CACNA2D2: variants seen among roughly 807,000 people sequenced by gnomAD.
CACNA2D2 encodes the protein voltage-dependent calcium channel subunit alpha-2/delta-2.
Under a neutral mutation model 166.4 loss-of-function variants are expected in CACNA2D2, and 48 were observed. That is an observed-to-expected ratio of 0.29 (90% confidence interval 0.23 to 0.37). CACNA2D2 has a LOEUF of 0.37. Among genes scored for constraint, CACNA2D2 ranks in the 10% least tolerant of loss-of-function variants. The probability of loss-of-function intolerance (pLI) is 1.00; values close to 1 mark genes in which losing one functional copy is unlikely to be tolerated. For synonymous variants in CACNA2D2, 561 were observed against 573.7 expected (o/e 0.98, Z 0.32); for missense variants, 1,122 against 1,433.0 (o/e 0.78, Z 3.50).
Position 50,362,849 on chromosome 3 carries a change from C to A in CACNA2D2, c.*1817G>T, listed in dbSNP as rs1055070172. The A allele has an allele frequency of 5.1e-5, 17 of 333,778 alleles. No homozygotes were observed. The highest frequency in any genetic ancestry group is 3.4e-4 in the Admixed American group (7 of 20,736). 20.7% of individuals were successfully genotyped at this position (333,778 alleles called of 1,614,324 possible). On this transcript the variant is annotated 3_prime_UTR_variant, in exon 38 of 38. Coordinates refer to ENST00000424201, the MANE Select transcript of CACNA2D2 (RefSeq NM_006030.4). Reference sequence around the variant, plus strand: ...TTAATAACTGATCTTCTGTAATAAACCATTTGAAAATATTTTACAAGGAAT... The same window carrying A: ...TTAATAACTGATCTTCTGTAATAAAACATTTGAAAATATTTTACAAGGAAT...
At chr3:50,437,845 G>A (rs993686767) in intron 2 of CACNA2D2, among the ~76,000 whole-genome samples, 5 of 152,166 alleles carry the variant, frequency 3.3e-5, no homozygotes, top group Admixed American at 6.5e-5. Context: ...AGGGTGCACC[G>A]GATGCAGAGC....
At chr3:50,384,852 G>A (rs770464785) in intron 5 of CACNA2D2, among the ~76,000 whole-genome samples, 1 of 152,224 alleles carries the variant, frequency 6.6e-6, no homozygotes, top group Admixed American at 6.5e-5. Flanking sequence ...ATCTAAGGCA[G>A]GGCACTATCC....
chr3:50,433,225 G>A (rs1296606200), intron 3 of CACNA2D2, among the ~76,000 whole-genome samples: 1 of 152,140 alleles, frequency 6.6e-6, no homozygotes, highest in Non-Finnish European at 1.5e-5. Context: ...TGCCTATTCT[G>A]GACATTTCAT....
intron 6 of CACNA2D2, among the ~76,000 whole-genome samples, chr3:50,381,832 G>C (rs1417316612): frequency 6.6e-6 from 1 of 152,018 alleles, no homozygotes; most frequent in African/African-American, 2.4e-5. Context: ...GGGCACAAGG[G>C]CACACACGTT....
chr3:50,393,980 GGCTTCT>G, intron 4 of CACNA2D2, 123 bp downstream of exon 4: 1 of 758,712 alleles, frequency 1.3e-6, no homozygotes, highest in Non-Finnish European at 2.2e-6. Context: ...GTTGGACACC[GGCTTCT>G]GGCTCTACTC....
At chr3:50,386,030 T>C (rs1452226948) in intron 5 of CACNA2D2, among the ~76,000 whole-genome samples, 1 of 152,032 alleles carries the variant, frequency 6.6e-6, no homozygotes, top group Non-Finnish European at 1.5e-5. Flanking sequence ...TATCTAACTG[T>C]ACCTCTGGCA....
At chr3:50,452,972 CTT>C (rs1436897481) in intron 2 of CACNA2D2, among the ~76,000 whole-genome samples, 4 of 152,208 alleles carry the variant, frequency 2.6e-5, no homozygotes, top group Admixed American at 6.5e-5. Context: ...AGGATTTCCT[CTT>C]TGTCTGAAGA....
At chr3:50,368,997 CACTA>C (rs1188362582) in intron 23 of CACNA2D2, among the ~76,000 whole-genome samples, 1 of 152,220 alleles carries the variant, frequency 6.6e-6, no homozygotes, top group Non-Finnish European at 1.5e-5. Context: ...TCCCATATGG[CACTA>C]ACTGTGGGGC....
At position 50,378,268 on chromosome 3, in the gene CACNA2D2, C is replaced by T; in HGVS notation, c.1389+16G>A. 1 of 1,554,234 alleles carries T rather than the reference C, an allele frequency of 6.4e-7. No individual in the cohort carries two copies. The highest frequency in any genetic ancestry group is 2.4e-5 in the East Asian group (1 of 41,048). On this transcript the variant is annotated intron_variant, in intron 14 of 37. Coordinates refer to ENST00000424201, the MANE Select transcript of CACNA2D2 (RefSeq NM_006030.4). Reference sequence around the variant, plus strand: ...GGAAGCCAGGGGCTGGGAGGAGGGGCCTCCCCAAGTCTCACCTGTGTGTTG... The same window carrying T: ...GGAAGCCAGGGGCTGGGAGGAGGGGTCTCCCCAAGTCTCACCTGTGTGTTG...
intron 2 of CACNA2D2, among the ~76,000 whole-genome samples, 198 bp from the exon 3 acceptor site, chr3:50,434,627 G>C (rs1247245587): frequency 2.6e-5 from 4 of 152,244 alleles, no homozygotes; most frequent in Admixed American, 6.5e-5. Context: ...GGGCTCCGTA[G>C]CTTGCATCTG....
intron 1 of CACNA2D2, among the ~76,000 whole-genome samples, chr3:50,500,488 A>T (rs905476688): frequency 6.6e-6 from 1 of 152,102 alleles, no homozygotes; most frequent in Non-Finnish European, 1.5e-5. Context: ...GAAAGACCTG[A>T]AGAAGGGGGA....
At chr3:50,421,054 C>A (rs1394947044) in intron 3 of CACNA2D2, among the ~76,000 whole-genome samples, 2 of 152,204 alleles carry the variant, frequency 1.3e-5, no homozygotes, top group African/African-American at 4.8e-5. Flanking sequence ...GCTCACTGAC[C>A]TCCATTGGCT....
chr3:50,437,164 C>G (rs189452991), intron 2 of CACNA2D2, among the ~76,000 whole-genome samples: 148 of 152,290 alleles, frequency 9.7e-4, no homozygotes, highest in Non-Finnish European at 1.7e-3. Context: ...ATGCATCCAC[C>G]GTGTTTTCTT....
At chr3:50,377,618 C>T (rs1705058702) in intron 16 of CACNA2D2, 77 bp from the exon 17 acceptor site, 2 of 1,566,480 alleles carry the variant, frequency 1.3e-6, no homozygotes, top group South Asian at 2.2e-5. Flanking sequence ...CCTCAAGCTG[C>T]TCTCACAGGC....
At chr3:50,421,749 A>G (rs1192405379) in intron 3 of CACNA2D2, among the ~76,000 whole-genome samples, 1 of 152,102 alleles carries the variant, frequency 6.6e-6, no homozygotes, top group East Asian at 1.9e-4. Flanking sequence ...GCAAACTCAG[A>G]AAAGCTTCAA....
chr3:50,488,448 C>A (rs1338521513), intron 1 of CACNA2D2, among the ~76,000 whole-genome samples: 1 of 152,116 alleles, frequency 6.6e-6, no homozygotes, highest in Admixed American at 6.5e-5. Flanking sequence ...AGAGCCTCTT[C>A]CCCCCGGCAT....
intron 4 of CACNA2D2, among the ~76,000 whole-genome samples, chr3:50,391,764 G>C (rs1705905054): frequency 1.3e-5 from 2 of 152,346 alleles, no homozygotes; most frequent in South Asian, 4.1e-4. Flanking sequence ...GCTGTGTGCT[G>C]TCAATACAGG....
chr3:50,493,070 T>C (rs1438917400), intron 1 of CACNA2D2, among the ~76,000 whole-genome samples: 2 of 152,188 alleles, frequency 1.3e-5, no homozygotes, highest in African/African-American at 4.8e-5. Context: ...CTACTTCCTT[T>C]ACAAACACTT....
chr3:50,427,510 G>C lies in CACNA2D2; in HGVS notation c.405+6803C>G, dbSNP rs373401832. Among the ~76,000 whole-genome samples, 2 of 152,226 alleles carry C rather than the reference G, an allele frequency of 1.3e-5. No individual in the cohort carries two copies. Among genetic ancestry groups the C allele is most frequent in the Non-Finnish European group, 2.9e-5 (2 of 68,040 alleles). On this transcript the variant is annotated intron_variant, in intron 3 of 37. Transcript: ENST00000424201. This position sits in a 1 kb window ranked among gnomAD's most constrained non-coding sequence, Gnocchi z 4.7. ...CGCCTAATTGGCTCCACGTGTCTGC[G>C]GCTCCTTTCCAGAGCAGGAGAGTGG...
Sources: allele counts gnomAD v4.1 joint callset (sites outside exome capture counted in the v4.1 genomes callset), GRCh38; gene constraint gnomAD v4.1.1; non-coding constraint Gnocchi (gnomAD v3.1); transcripts MANE v1.5; gene names NCBI Gene and HGNC (gene_info 2026-07-23, HGNC 2026-07-21).